The following LYPLAL1 variants were observed in gnomAD, a reference collection of about 807,000 sequenced individuals.
The protein encoded by LYPLAL1 is lysophospholipase-like protein 1.
A neutral mutation model predicts 19.7 loss-of-function variants in LYPLAL1; 23 were observed. That is an observed-to-expected ratio of 1.17 (90% confidence interval 0.84 to 1.65). The LOEUF (loss-of-function observed/expected upper bound fraction) is 1.65, where lower values mean the gene tolerates loss of function less well. LYPLAL1 is among the 40% of genes most tolerant of loss of function. LYPLAL1 has a pLI of 0.00. For synonymous variants in LYPLAL1, 119 were observed against 96.3 expected (o/e 1.24, Z -1.38); for missense variants, 355 against 279.4 (o/e 1.27, Z -1.93).
chr1:219,297,820 C>T, the LYPLAL1 span, among the ~76,000 whole-genome samples: 3 of 152,106 alleles, frequency 2.0e-5, no homozygotes, highest in African/African-American at 7.2e-5. Context: ...ATTTGTTTTA[C>T]CAACAAACTT....
At chr1:219,327,505 A>C in the LYPLAL1 span, among the ~76,000 whole-genome samples, 1 of 152,084 alleles carries the variant, frequency 6.6e-6, no homozygotes. Context: ...GGGTGCTTGG[A>C]GGGGAACGAG....
the LYPLAL1 span, among the ~76,000 whole-genome samples, chr1:219,367,576 C>A: frequency 9.9e-5 from 15 of 151,832 alleles, no homozygotes; most frequent in African/African-American, 3.6e-4. Context: ...TCTTTGAGGC[C>A]ATCATCGAGT....
the LYPLAL1 span, among the ~76,000 whole-genome samples, chr1:219,403,767 A>G: frequency 6.6e-6 from 1 of 152,192 alleles, no homozygotes; most frequent in African/African-American, 2.4e-5. Flanking sequence ...TAAGAACCTC[A>G]ATCTGAGATT....
At chr1:219,230,483 C>T in the LYPLAL1 span, among the ~76,000 whole-genome samples, 1 of 152,180 alleles carries the variant, frequency 6.6e-6, no homozygotes, top group Non-Finnish European at 1.5e-5. Flanking sequence ...GTTTCTGTAT[C>T]AAGAGAAAAT....
the LYPLAL1 span, among the ~76,000 whole-genome samples, chr1:219,336,963 A>C: frequency 6.6e-6 from 1 of 151,990 alleles, no homozygotes; most frequent in East Asian, 1.9e-4. Flanking sequence ...TCAGGTTGTC[A>C]GCGGGGCTGT....
chr1:219,429,384 G>T, the LYPLAL1 span, among the ~76,000 whole-genome samples: 1 of 152,200 alleles, frequency 6.6e-6, no homozygotes, highest in Non-Finnish European at 1.5e-5. Flanking sequence ...CCAGCAGGGC[G>T]CAGTGGCTCA....
the LYPLAL1 span, among the ~76,000 whole-genome samples, chr1:219,419,707 G>A: frequency 4.6e-5 from 7 of 152,204 alleles, no homozygotes; most frequent in African/African-American, 1.7e-4. Flanking sequence ...GCTGGGCGGT[G>A]TTCTCTCCTG....
the LYPLAL1 span, among the ~76,000 whole-genome samples, chr1:219,400,222 G>C: frequency 1.3e-5 from 2 of 151,966 alleles, no homozygotes; most frequent in Non-Finnish European, 2.9e-5. Flanking sequence ...TCTGTTAGGA[G>C]TGCACCAGTT....
At chr1:219,235,992 G>T in the LYPLAL1 span, among the ~76,000 whole-genome samples, 1 of 152,174 alleles carries the variant, frequency 6.6e-6, no homozygotes, top group Non-Finnish European at 1.5e-5. Context: ...TAGTCCTTAT[G>T]TGAAGGACCT....
At chr1:219,355,948 A>G in the LYPLAL1 span, among the ~76,000 whole-genome samples, 2 of 152,156 alleles carry the variant, frequency 1.3e-5, no homozygotes, top group Non-Finnish European at 2.9e-5. Flanking sequence ...GCTGAAGTAG[A>G]GCTTAGAATA....
rs186413973 is a variant in LYPLAL1 at position 219,181,349 on chromosome 1, A to G, written c.191+2103A>G. ...ATGTGGTTAGGGGCTGCCATTTTCT[A>G]CAGCTTAGTTTTAGAACTTAAAGAG... is the stretch of plus-strand genomic sequence containing the variant. On this transcript the variant is annotated intron_variant, in intron 2 of 4. Coordinates refer to ENST00000366928, the MANE Select transcript of LYPLAL1 (RefSeq NM_138794.5). 3.3e-5 allele frequency among the ~76,000 whole-genome samples: 5 copies of G among 152,304 alleles called. No homozygotes were observed. The East Asian group carries it at 7.7e-4, about 23-fold the overall frequency.
chr1:219,235,956 A>G, the LYPLAL1 span, among the ~76,000 whole-genome samples: 1 of 152,230 alleles, frequency 6.6e-6, no homozygotes, highest in Non-Finnish European at 1.5e-5. Flanking sequence ...TTAAATAAGC[A>G]TTAGCAGCCT....
chr1:219,211,110 A>G (rs566603278), intron 4 of LYPLAL1, among the ~76,000 whole-genome samples: 68 of 152,272 alleles, frequency 4.5e-4, no homozygotes, highest in Non-Finnish European at 8.7e-4. Context: ...GTTAAAGCAG[A>G]TACAGAATAG....
At chr1:219,231,219 T>C in the LYPLAL1 span, among the ~76,000 whole-genome samples, 1 of 152,166 alleles carries the variant, frequency 6.6e-6, no homozygotes, top group Non-Finnish European at 1.5e-5. Flanking sequence ...CTTGCATACA[T>C]GGAGATGAGA....
rs368105539 is a variant in LYPLAL1, at chr1:219,179,287, G to T, written c.191+41G>T. ...TCTCACTTGTCAATATAACTCTGTG[G>T]CATAAAATATATATAGAGAGATGTG... On this transcript the variant is annotated intron_variant, in intron 2 of 4. Transcript: ENST00000366928. The T allele has an allele frequency of 2.5e-5, 35 of 1,393,118 alleles. No homozygotes were observed. In the African/African-American group the frequency reaches 2.9e-4, roughly 11 times the overall value. 86.3% of individuals were successfully genotyped at this position (1,393,118 alleles called of 1,614,324 possible). A position where few individuals can be genotyped will look rare whatever the true frequency, so the allele number is the denominator to read the frequency against.
At chr1:219,380,589 G>A in the LYPLAL1 span, among the ~76,000 whole-genome samples, 3 of 152,214 alleles carry the variant, frequency 2.0e-5, no homozygotes, top group African/African-American at 7.2e-5. Flanking sequence ...GTCTAAGCAG[G>A]TATTTCCACA....
At chr1:219,414,768 A>G in the LYPLAL1 span, among the ~76,000 whole-genome samples, 2 of 152,214 alleles carry the variant, frequency 1.3e-5, no homozygotes, top group East Asian at 3.9e-4. Flanking sequence ...AAGTCACTAC[A>G]GTCCTTTCTT....
At chr1:219,226,891 G>C in the LYPLAL1 span, among the ~76,000 whole-genome samples, 1 of 152,158 alleles carries the variant, frequency 6.6e-6, no homozygotes, top group Non-Finnish European at 1.5e-5. Context: ...GTCTCATTAA[G>C]TTTAAGTATT....
the LYPLAL1 span, among the ~76,000 whole-genome samples, chr1:219,337,812 C>G: frequency 2.0e-5 from 3 of 152,126 alleles, no homozygotes; most frequent in Non-Finnish European, 2.9e-5. Context: ...TGTATTGCAA[C>G]AGACAGCTTA....
Sources: allele counts gnomAD v4.1 joint callset (sites outside exome capture counted in the v4.1 genomes callset), GRCh38; gene constraint gnomAD v4.1.1; transcripts MANE v1.5; gene names NCBI Gene and HGNC (gene_info 2026-07-23, HGNC 2026-07-21).